The following FRMD6 variants were observed in gnomAD, a reference collection of about 807,000 sequenced individuals.
FRMD6 encodes the protein FERM domain-containing protein 6.
A neutral mutation model predicts 73.2 loss-of-function variants in FRMD6; 37 were observed. The observed-to-expected ratio is 0.51, with a 90% confidence interval of 0.39 to 0.66. The LOEUF is 0.66. FRMD6 is among the 30% of genes least tolerant of loss of function. The pLI is 0.00. For synonymous variants in FRMD6, 273 were observed against 282.2 expected, an observed-to-expected ratio of 0.97 and a Z score of 0.33; for missense variants, 714 against 780.5, an observed-to-expected ratio of 0.91 and a Z score of 1.02.
chr14:51,659,181 C>T lies in FRMD6; in HGVS notation c.-147+7185C>T, dbSNP rs190152767. 1.6e-3 allele frequency among the ~76,000 whole-genome samples: 240 copies of T among 152,310 alleles called. 2 individuals are homozygous for T. The highest frequency in any genetic ancestry group is 5.6e-3 in the African/African-American group (232 of 41,570). The stretch of plus-strand genomic sequence containing the variant: ...CCCATGTGTAACCTTGGGGAAGTTA[C>T]TTAACTCTCTACACCTCTTTTTCCT... On this transcript the variant is annotated intron_variant, in intron 1 of 13. Transcript: ENST00000344768.
intron 1 of FRMD6, among the ~76,000 whole-genome samples, chr14:51,664,623 GAAAATGCCGGA>G: frequency 6.6e-6 from 1 of 152,332 alleles, no homozygotes. Flanking sequence ...TGCTAATTTA[GAAAATGCCGGA>G]AAGGGCGAAG....
intron 2 of FRMD6, 59 bp downstream of exon 2, chr14:51,689,994 C>A: frequency 9.5e-7 from 1 of 1,048,772 alleles, no homozygotes; most frequent in Non-Finnish European, 1.5e-6. Context: ...TGGCCACATT[C>A]AACTTATGAC....
At chr14:51,576,841 A>AAAGG (rs923934013) in intron 2 of FRMD6, among the ~76,000 whole-genome samples, 1 of 152,050 alleles carries the variant, frequency 6.6e-6, no homozygotes, top group Non-Finnish European at 1.5e-5. Context: ...TCCTCCTCCC[A>AAAGG]ATTTCGTTTT....
intron 1 of FRMD6, among the ~76,000 whole-genome samples, chr14:51,520,604 A>C (rs934906420): frequency 1.3e-5 from 2 of 152,212 alleles, no homozygotes; most frequent in Non-Finnish European, 2.9e-5. Flanking sequence ...AAAAATCAGC[A>C]GTTAAAACAA....
At chr14:51,440,109 C>T in the FRMD6 span, among the ~76,000 whole-genome samples, 17 of 152,110 alleles carry the variant, frequency 1.1e-4, no homozygotes, top group Non-Finnish European at 1.8e-4. Flanking sequence ...GAAAGCGCAG[C>T]GCCCTTGATC....
intron 2 of FRMD6, among the ~76,000 whole-genome samples, chr14:51,587,884 G>A (rs1037915316): frequency 1.3e-5 from 2 of 152,144 alleles, no homozygotes; most frequent in Non-Finnish European, 2.9e-5. Context: ...TCTTATCACT[G>A]TTCTGTGCAT....
At position 51,727,908 on chromosome 14, in the gene FRMD6, A is replaced by G. The variant is rs776070676; in HGVS notation, c.1748A>G (p.Tyr583Cys). 9 of 1,614,060 alleles carry G rather than the reference A, an allele frequency of 5.6e-6. No homozygotes were observed. Among genetic ancestry groups the G allele is most frequent in the African/African-American group, 1.3e-5 (1 of 74,928 alleles). Residue 583 changes from tyrosine (Y) to cysteine (C), a missense_variant, in exon 14 of 14, where the codon TAT (tyrosine) becomes TGT (cysteine). Physicochemically the swap from Tyr to Cys is radical, Grantham distance 194. Transcript: ENST00000344768. The stretch of plus-strand genomic sequence containing the variant: ...CATGAACTGGATGAGGAAGGCCTCT[A>G]TTGCAACAGTTGCTTGGCCCAGCAG... ...CGHELDEEGL[Y>C]CNSCLAQQCI...
rs74052656 is a variant in FRMD6 at position 51,659,978 on chromosome 14, C to G, written c.-147+7982C>G. 6.6e-3 allele frequency among the ~76,000 whole-genome samples: 1,012 copies of G among 152,204 alleles called. 10 individuals carry two copies. The highest frequency in any genetic ancestry group is 0.023 in the African/African-American group (960 of 41,516). On this transcript the variant is annotated intron_variant, in intron 1 of 13. Transcript: ENST00000344768. ...AAAGATACATTTTCATCTAACTAGC[C>G]TAATTACGAGCTCAGCTAAAAAAGG...
At chr14:51,545,948 C>A (rs1886443034) in intron 1 of FRMD6, among the ~76,000 whole-genome samples, 1 of 151,714 alleles carries the variant, frequency 6.6e-6, no homozygotes, top group African/African-American at 2.4e-5. Context: ...AAAATATTTG[C>A]TGAGAGAGAA....
At chr14:51,404,647 A>G in the FRMD6 span, among the ~76,000 whole-genome samples, 6 of 152,150 alleles carry the variant, frequency 3.9e-5, no homozygotes, top group Non-Finnish European at 7.3e-5. Context: ...CCATGTTTTA[A>G]AAGTCCATCC....
the FRMD6 span, among the ~76,000 whole-genome samples, chr14:51,423,280 G>C: frequency 6.6e-6 from 1 of 152,108 alleles, no homozygotes; most frequent in Admixed American, 6.5e-5. Context: ...TAGTTCTCAC[G>C]GCAGAGCCTC....
chr14:51,696,686 A>G (rs904705777), intron 2 of FRMD6, among the ~76,000 whole-genome samples: 4 of 150,926 alleles, frequency 2.7e-5, no homozygotes, highest in African/African-American at 9.7e-5. Flanking sequence ...CCAAGATGGG[A>G]GGATTGCTTG....
intron 1 of FRMD6, among the ~76,000 whole-genome samples, chr14:51,684,622 G>A (rs1895026904): frequency 6.6e-6 from 1 of 152,108 alleles, no homozygotes; most frequent in Admixed American, 6.6e-5. Flanking sequence ...GAATGTCTGA[G>A]GGCATTTGGG....
intron 1 of FRMD6, among the ~76,000 whole-genome samples, chr14:51,659,590 G>A (rs529664216): frequency 5.9e-5 from 9 of 152,208 alleles, no homozygotes; most frequent in African/African-American, 9.6e-5. Flanking sequence ...ATTTCCAGCC[G>A]TCTCAGTCCT....
At chr14:51,644,260 A>G (rs1216979898) in intron 2 of FRMD6, among the ~76,000 whole-genome samples, 1 of 152,114 alleles carries the variant, frequency 6.6e-6, no homozygotes, top group Non-Finnish European at 1.5e-5. Context: ...TTTTTCATCA[A>G]TACCTGAGAT....
intron 2 of FRMD6, among the ~76,000 whole-genome samples, chr14:51,633,724 A>G (rs1891432005): frequency 6.6e-6 from 1 of 152,194 alleles, no homozygotes; most frequent in Admixed American, 6.5e-5. Flanking sequence ...TACAAATAAT[A>G]ACTCTAATCA....
At chr14:51,658,221 C>T (rs1409922390) in intron 1 of FRMD6, among the ~76,000 whole-genome samples, 11 of 152,272 alleles carry the variant, frequency 7.2e-5, no homozygotes, top group Admixed American at 2.0e-4. Context: ...CAGATCTGCC[C>T]AGAGGAAATG....
At chr14:51,569,200 C>T (rs1887962031) in intron 1 of FRMD6, among the ~76,000 whole-genome samples, 1 of 152,214 alleles carries the variant, frequency 6.6e-6, no homozygotes, top group African/African-American at 2.4e-5. Flanking sequence ...ACAAACGCTA[C>T]ACAGACGTGC....
chr14:51,626,131 A>G (rs546109402), intron 2 of FRMD6, among the ~76,000 whole-genome samples: 2 of 152,350 alleles, frequency 1.3e-5, no homozygotes, highest in Non-Finnish European at 2.9e-5. Flanking sequence ...ACACCATAGA[A>G]TACTATGCAG....
Sources: allele counts gnomAD v4.1 joint callset (sites outside exome capture counted in the v4.1 genomes callset), GRCh38; gene constraint gnomAD v4.1.1; transcripts MANE v1.5; gene names NCBI Gene and HGNC (gene_info 2026-07-23, HGNC 2026-07-21).